GABBR2: variants seen among roughly 807,000 people sequenced by gnomAD.
GABBR2 encodes G-protein coupled receptor 51.
In GABBR2, 23 loss-of-function variants were observed where a neutral mutation model predicts 105.6. The observed-to-expected ratio is 0.22, with a 90% CI of 0.16 to 0.31. The LOEUF is 0.31. Ranked by LOEUF, GABBR2 falls within the 10% of genes least tolerant of loss-of-function variation. The pLI is 1.00. For missense variants in GABBR2, 734 were observed against 1,245.5 expected, an observed-to-expected ratio of 0.59 and a Z score of 6.18; for synonymous variants, 478 against 499.7, an observed-to-expected ratio of 0.96 and a Z score of 0.58.
At chr9:98,292,094 C>T (rs900979195) in intron 18 of GABBR2, among the ~76,000 whole-genome samples, 7 of 152,316 alleles carry the variant, frequency 4.6e-5, no homozygotes, top group South Asian at 2.1e-4. Flanking sequence ...CTCCTCTGCT[C>T]GGCTCAGCTG....
chr9:98,465,173 T>C (rs1258865088), intron 6 of GABBR2, among the ~76,000 whole-genome samples: 1 of 135,688 alleles, frequency 7.4e-6, no homozygotes, highest in Non-Finnish European at 1.6e-5. Flanking sequence ...AAAATGCTTA[T>C]TAAATAAACA....
chr9:98,346,789 G>GT (rs1178825079), intron 13 of GABBR2, among the ~76,000 whole-genome samples: 8 of 150,912 alleles, frequency 5.3e-5, no homozygotes, highest in Non-Finnish European at 7.4e-5. Flanking sequence ...CATGAGCTCA[G>GT]TTTTTTTTTC....
intron 1 of GABBR2, among the ~76,000 whole-genome samples, chr9:98,614,061 A>C (rs1829545671): frequency 6.6e-6 from 1 of 152,260 alleles, no homozygotes; most frequent in South Asian, 2.1e-4. Flanking sequence ...GAATAGCAAT[A>C]GATTTGAGTA....
chr9:98,686,010 T>C (rs965666456), intron 1 of GABBR2, among the ~76,000 whole-genome samples: 6 of 152,152 alleles, frequency 3.9e-5, no homozygotes, highest in Non-Finnish European at 8.8e-5. Context: ...TTAGTCAGGC[T>C]CCTCTGATCC....
At chr9:98,592,321 C>G (rs143904159) in intron 1 of GABBR2, among the ~76,000 whole-genome samples, 132 of 152,306 alleles carry the variant, frequency 8.7e-4, no homozygotes, top group African/African-American at 2.9e-3. Context: ...GCACTCAAGG[C>G]CAGATTTTGG....
At chr9:98,441,768 C>T (rs1048823629) in intron 7 of GABBR2, among the ~76,000 whole-genome samples, 5 of 152,076 alleles carry the variant, frequency 3.3e-5, no homozygotes, top group African/African-American at 1.2e-4. Context: ...GTGCTTAATG[C>T]CATTGAATTT....
At chr9:98,389,053 C>T (rs1165447785) in intron 9 of GABBR2, 49 bp from the exon 10 acceptor site, 1 of 1,532,158 alleles carries the variant, frequency 6.5e-7, no homozygotes, top group African/African-American at 1.4e-5. Flanking sequence ...AAGTCATTCC[C>T]CGAGAACACC....
chr9:98,368,248 G>A (rs1013441261), intron 12 of GABBR2, among the ~76,000 whole-genome samples: 1 of 147,434 alleles, frequency 6.8e-6, no homozygotes, highest in Non-Finnish European at 1.5e-5. Context: ...AATCCCCACT[G>A]TCTCTGACAT....
chr9:98,340,919 G>A (rs1010289301), intron 13 of GABBR2, among the ~76,000 whole-genome samples: 1 of 152,236 alleles, frequency 6.6e-6, no homozygotes, highest in Non-Finnish European at 1.5e-5. Context: ...GTCAGAAGAA[G>A]CCAGGATGTC....
chr9:98,410,217 G>A (rs1388569635), intron 7 of GABBR2, among the ~76,000 whole-genome samples: 2 of 151,612 alleles, frequency 1.3e-5, no homozygotes, highest in Non-Finnish European at 2.9e-5. Flanking sequence ...TTAAGCTTTC[G>A]TCTTGTGCAA....
At chr9:98,616,981 A>T (rs1205850950) in intron 1 of GABBR2, among the ~76,000 whole-genome samples, 3 of 152,146 alleles carry the variant, frequency 2.0e-5, no homozygotes, top group African/African-American at 7.2e-5. Context: ...TGGACAGTGT[A>T]TTTCACTTTA....
chr9:98,496,210 C>T, intron 4 of GABBR2: 1 of 589,218 alleles, frequency 1.7e-6, no homozygotes. Flanking sequence ...GCACCTGCAG[C>T]CAGCACCTCT....
chr9:98,606,263 A>T (rs1379755876), intron 1 of GABBR2, among the ~76,000 whole-genome samples: 1 of 152,164 alleles, frequency 6.6e-6, no homozygotes, highest in Non-Finnish European at 1.5e-5. Flanking sequence ...TAGCAGCATG[A>T]TTTATAATCC....
chr9:98,622,148 T>G (rs576723012), intron 1 of GABBR2, among the ~76,000 whole-genome samples: 1 of 152,260 alleles, frequency 6.6e-6, no homozygotes, highest in Non-Finnish European at 1.5e-5. Flanking sequence ...TATTTTATTT[T>G]ATTTTACTTT....
At chr9:98,389,925 A>C (rs1832149056) in intron 9 of GABBR2, among the ~76,000 whole-genome samples, 1 of 152,082 alleles carries the variant, frequency 6.6e-6, no homozygotes, top group Non-Finnish European at 1.5e-5. Flanking sequence ...CAAAGTAGCC[A>C]AGCCTGGGAA....
chr9:98,396,664 A>G (rs1832296859), intron 8 of GABBR2, among the ~76,000 whole-genome samples: 2 of 152,210 alleles, frequency 1.3e-5, no homozygotes, highest in Non-Finnish European at 2.9e-5. Flanking sequence ...CAGATGCCCC[A>G]ATCAGGTCCT....
At chr9:98,698,254 G>A (rs997495512) in intron 1 of GABBR2, among the ~76,000 whole-genome samples, 5 of 152,200 alleles carry the variant, frequency 3.3e-5, no homozygotes, top group East Asian at 1.9e-4. Flanking sequence ...TGTGGAACAC[G>A]GGCATTGATG....
intron 2 of GABBR2, among the ~76,000 whole-genome samples, chr9:98,572,991 C>A (rs947664465): frequency 1.3e-5 from 2 of 152,188 alleles, no homozygotes; most frequent in African/African-American, 4.8e-5. Flanking sequence ...AAATGCAGAG[C>A]GATTCTGTGG....
chr9:98,680,431 G>A (rs942192802), intron 1 of GABBR2, among the ~76,000 whole-genome samples: 9 of 151,948 alleles, frequency 5.9e-5, no homozygotes, highest in Admixed American at 2.6e-4. Context: ...TCAGCCTCAC[G>A]AGTAGCTGGG....
Sources: allele counts gnomAD v4.1 joint callset (sites outside exome capture counted in the v4.1 genomes callset), GRCh38; gene constraint gnomAD v4.1.1; transcripts MANE v1.5; gene names NCBI Gene and HGNC (gene_info 2026-07-23, HGNC 2026-07-21).